Variants in BAHCC1 observed in about 807,000 individuals in gnomAD.
The protein encoded by BAHCC1 is BAH and coiled-coil domain-containing protein 1.
BAHCC1 carries 43 observed loss-of-function variants against 88.2 expected under a neutral mutation model. The observed-to-expected ratio is 0.49, with a 90% CI of 0.38 to 0.63. BAHCC1 has a LOEUF of 0.63. BAHCC1 is among the 20% of genes least tolerant of loss of function. The probability of loss-of-function intolerance (pLI) is 0.00; values close to 1 mark genes in which losing one functional copy is unlikely to be tolerated. For missense variants in BAHCC1, 3,023 were observed against 1,654.8 expected, an observed-to-expected ratio of 1.83 and a Z score of -14.34; for synonymous variants, 1,510 against 745.5, an observed-to-expected ratio of 2.03 and a Z score of -16.71.
chr17:81,456,729 C>G lies in BAHCC1; in HGVS notation c.4858+144C>G, dbSNP rs2064756779. 18 of 577,910 alleles carry G rather than the reference C, an allele frequency of 3.1e-5. No individual in the cohort carries two copies. The East Asian group carries it at 5.1e-4, about 16-fold the overall frequency. 35.8% of individuals were successfully genotyped at this position (577,910 alleles called of 1,614,324 possible). A position where few individuals can be genotyped will look rare whatever the true frequency, so the allele number is the denominator to read the frequency against. ...TGACAGGTCCAAGGAGACGTTTTCA[C>G]TGAACAGGCTGGGGAAGGAGATGAA... is the stretch of plus-strand genomic sequence containing the variant. On this transcript the variant is annotated intron_variant, in intron 16 of 27. Coordinates refer to ENST00000675386, the MANE Select transcript of BAHCC1 (RefSeq NM_001377448.1).
rs191029100 is a variant in BAHCC1 at position 81,452,333 on chromosome 17, G to A, written c.4316+226G>A. 4.5e-3 allele frequency among the ~76,000 whole-genome samples: 682 copies of A among 152,274 alleles called. 3 individuals carry two copies. The highest frequency in any genetic ancestry group is 7.6e-3 in the Non-Finnish European group (517 of 67,996). The stretch of plus-strand genomic sequence containing the variant: ...CAAGTGGCAGGGCCAGGGGTCTGTG[G>A]AAGAGCCGCTTGTCAGAGCCTGGTG... On this transcript the variant is annotated intron_variant, in intron 13 of 27. Transcript: ENST00000675386.
intron 2 of BAHCC1, among the ~76,000 whole-genome samples, chr17:81,400,215 G>A (rs1430121801): frequency 2.0e-5 from 3 of 152,182 alleles, no homozygotes; most frequent in Non-Finnish European, 2.9e-5. Context: ...CCCTCCTGCA[G>A]ATCTAAATTC....
In BAHCC1 at chr17:81,435,056, C is replaced by A. The variant is rs369755562; in HGVS notation, c.359-3314C>A. On this transcript the variant is annotated intron_variant, in intron 3 of 27. Transcript: ENST00000675386. The surrounding 1 kb of genome is among the most constrained non-coding windows in gnomAD (Gnocchi z 4.4). Reference sequence around the variant, plus strand: ...CGTCCCCAGCCCCCATTTCTCTGCACGGTGCCCTCCCACTCCTCTGTCCTT... The same window carrying A: ...CGTCCCCAGCCCCCATTTCTCTGCAAGGTGCCCTCCCACTCCTCTGTCCTT... 6.6e-6 allele frequency among the ~76,000 whole-genome samples: 1 copy of A among 152,010 alleles called. No homozygotes were observed. The highest frequency in any genetic ancestry group is 1.5e-5 in the Non-Finnish European group (1 of 67,980).
chr17:81,462,628 TCA>T (rs1478556602), intron 26 of BAHCC1, 110 bp from the exon 27 acceptor site: 2 of 634,402 alleles, frequency 3.2e-6, no homozygotes, highest in African/African-American at 3.6e-5. Context: ...CCCTGCACAC[TCA>T]CACTCAGACT....
rs2030675318 is a variant in BAHCC1 at position 81,465,866 on chromosome 17, T to TGGG, written c.*2051_*2052insGGG. 3 of 147,984 alleles carry TGGG rather than the reference T, an allele frequency of 2.0e-5. No homozygotes were observed. Among genetic ancestry groups the TGGG allele is most frequent in the Admixed American group, 6.7e-5 (1 of 14,938 alleles). The allele number at this position is 147,984 out of a possible 1,614,324, so 9.2% of individuals were successfully genotyped here. A position where few individuals can be genotyped will look rare whatever the true frequency, so the allele number is the denominator to read the frequency against. ...CATGAGTGCAATATTTCATTCCCGGTGGTTGTCTGGGGAGGTGGTTGGACG... is the reference window on the plus strand; with the variant it reads ...CATGAGTGCAATATTTCATTCCCGGTGGGGGTTGTCTGGGGAGGTGGTTGGACG... On this transcript the variant is annotated 3_prime_UTR_variant, in exon 28 of 28. Coordinates refer to ENST00000675386, the MANE Select transcript of BAHCC1 (RefSeq NM_001377448.1).
chr17:81,415,649 A>C (rs781825186), intron 2 of BAHCC1: 2 of 477,524 alleles, frequency 4.2e-6, no homozygotes, highest in Non-Finnish European at 8.3e-6. Flanking sequence ...GGTCCTTCTT[A>C]GCACCAGGGG....
chr17:81,445,876 T>G (rs1241694559), intron 10 of BAHCC1, among the ~76,000 whole-genome samples, 195 bp downstream of exon 10: 2 of 151,686 alleles, frequency 1.3e-5, no homozygotes, highest in African/African-American at 4.8e-5. Flanking sequence ...AAGCACACAG[T>G]GCCCCAGCCG....
In BAHCC1 at chr17:81,458,696, A is replaced by G; in HGVS notation, c.5419A>G (p.Ser1807Gly). 1 of 728,202 alleles carries G rather than the reference A, an allele frequency of 1.4e-6. No individual in the cohort carries two copies. Among genetic ancestry groups the G allele is most frequent in the Non-Finnish European group, 2.6e-6 (1 of 391,386 alleles). The allele number at this position is 728,202 out of a possible 1,614,324, so 45.1% of individuals were successfully genotyped here. A position where few individuals can be genotyped will look rare whatever the true frequency, so the allele number is the denominator to read the frequency against. The change falls in exon 19 of 28, where the codon AGC (serine) becomes GGC (glycine). Residue 1807 changes from serine to glycine, a missense_variant. Physicochemically the swap from Ser to Gly is moderately conservative, Grantham distance 56. Coordinates refer to ENST00000675386, the MANE Select transcript of BAHCC1 (RefSeq NM_001377448.1). The stretch of plus-strand genomic sequence containing the variant: ...CATCCTGGGGAAGGGCCGGAAGCTG[A>G]GCAAGGTGAAGCACAAGGCCGGCAA... ...KAILGKGRKL[S>G]KVKHKAGKQG...
At chr17:81,421,467 C>A (rs541255223) in intron 2 of BAHCC1, among the ~76,000 whole-genome samples, 108 of 152,350 alleles carry the variant, frequency 7.1e-4, no homozygotes, top group South Asian at 1.9e-3. Flanking sequence ...GTTTCCCGGG[C>A]TCCTCGGGAG....
At chr17:81,428,406 C>T (rs1283102386) in intron 3 of BAHCC1, among the ~76,000 whole-genome samples, 1 of 152,198 alleles carries the variant, frequency 6.6e-6, no homozygotes, top group Non-Finnish European at 1.5e-5. Flanking sequence ...TGGTGAACCC[C>T]CCACAACAGA....
intron 2 of BAHCC1, among the ~76,000 whole-genome samples, chr17:81,410,916 C>T (rs2063941731): frequency 6.6e-6 from 1 of 152,056 alleles, no homozygotes; most frequent in African/African-American, 2.4e-5. Flanking sequence ...TGGGGATGGC[C>T]GCTCATCAAA....
At position 81,400,541 on chromosome 17, in the gene BAHCC1, G is replaced by A. The variant is rs117735059; in HGVS notation, c.178+624G>A. Among the ~76,000 whole-genome samples the A allele has an allele frequency of 2.6e-3, 389 of 152,342 alleles. 13 individuals carry two copies. The East Asian group carries it at 0.071, about 28-fold the overall frequency. On this transcript the variant is annotated intron_variant, in intron 2 of 27. Coordinates refer to ENST00000675386, the MANE Select transcript of BAHCC1 (RefSeq NM_001377448.1). ...GCCGGACAAAGCGTGGCCAGAGTGC[G>A]GCCCAGCCTCTCAGCCTGCGGCCCG...
intron 1 of BAHCC1, among the ~76,000 whole-genome samples, chr17:81,397,876 C>T (rs937206535): frequency 6.6e-6 from 1 of 152,218 alleles, no homozygotes; most frequent in Admixed American, 6.5e-5. Context: ...AATGCAAAAG[C>T]TCTCCGAATA....
At chr17:81,409,482 G>C (rs1417050766) in intron 2 of BAHCC1, among the ~76,000 whole-genome samples, 9 of 152,232 alleles carry the variant, frequency 5.9e-5, no homozygotes, top group Non-Finnish European at 1.3e-4. Flanking sequence ...AGCGGGCTCA[G>C]GGTGGGGGCC....
At chr17:81,431,647 T>G (rs1475881708) in intron 3 of BAHCC1, among the ~76,000 whole-genome samples, 1 of 152,198 alleles carries the variant, frequency 6.6e-6, no homozygotes, top group Non-Finnish European at 1.5e-5. Context: ...ATGACTGCAC[T>G]TCTGTTATGA....
intron 2 of BAHCC1, among the ~76,000 whole-genome samples, chr17:81,417,079 G>A (rs1555648835): frequency 6.6e-6 from 1 of 152,170 alleles, no homozygotes; most frequent in Admixed American, 6.5e-5. Context: ...TAGGAGGGCA[G>A]GTGGGTGTCC....
intron 2 of BAHCC1, among the ~76,000 whole-genome samples, chr17:81,408,740 C>T (rs2063911786): frequency 6.6e-6 from 1 of 152,214 alleles, no homozygotes; most frequent in African/African-American, 2.4e-5. Flanking sequence ...GGGTCTGTCC[C>T]ACAGAGCCTG....
chr17:81,406,880 G>A (rs569081230), intron 2 of BAHCC1: 3 of 456,306 alleles, frequency 6.6e-6, no homozygotes, highest in East Asian at 1.4e-4. Context: ...GGAGCCAGCC[G>A]GGCTGGCATG....
intron 2 of BAHCC1, among the ~76,000 whole-genome samples, chr17:81,408,479 G>T (rs779579832): frequency 6.6e-5 from 10 of 151,926 alleles, no homozygotes; most frequent in Non-Finnish European, 1.5e-4. Context: ...CCCTCCTGGG[G>T]CCTACCCCTG....
Sources: allele counts gnomAD v4.1 joint callset (sites outside exome capture counted in the v4.1 genomes callset), GRCh38; gene constraint gnomAD v4.1.1; non-coding constraint Gnocchi (gnomAD v3.1); transcripts MANE v1.5; gene names NCBI Gene and HGNC (gene_info 2026-07-23, HGNC 2026-07-21).